Variants in PCCA observed in about 807,000 individuals in gnomAD.
PCCA encodes propionyl-CoA carboxylase alpha chain, mitochondrial.
In PCCA, 74 loss-of-function variants were observed where a neutral mutation model predicts 101.3. The observed-to-expected ratio is 0.73, with a 90% CI of 0.61 to 0.89. The LOEUF (loss-of-function observed/expected upper bound fraction) is 0.89, where lower values mean the gene tolerates loss of function less well. Among genes scored for constraint, PCCA ranks in the 40% least tolerant of loss-of-function variants. The pLI, the probability that PCCA is intolerant of heterozygous loss-of-function variation, is 0.00. For missense variants in PCCA, 891 were observed against 907.0 expected (o/e 0.98, Z 0.23); for synonymous variants, 294 against 313.6 (o/e 0.94, Z 0.66).
chr13:100,273,427 T>C (rs2063441764), intron 12 of PCCA, 81 bp downstream of exon 12: 1 of 1,099,584 alleles, frequency 9.1e-7, no homozygotes. Context: ...TTTATAAATG[T>C]TAAAAAATTA....
intron 12 of PCCA, among the ~76,000 whole-genome samples, chr13:100,283,339 A>G (rs1038012986): frequency 1.3e-5 from 2 of 152,206 alleles, no homozygotes; most frequent in African/African-American, 4.8e-5. Context: ...ACCTTGACTC[A>G]GATCATGGGG....
intron 6 of PCCA, among the ~76,000 whole-genome samples, chr13:100,177,020 T>C (rs1594551784): frequency 6.6e-6 from 1 of 152,212 alleles, no homozygotes; most frequent in East Asian, 1.9e-4. Flanking sequence ...TCAGTGACTT[T>C]GAGTGTTTAA....
intron 4 of PCCA, among the ~76,000 whole-genome samples, chr13:100,133,831 G>A (rs1026019471): frequency 6.6e-6 from 1 of 152,172 alleles, no homozygotes; most frequent in African/African-American, 2.4e-5. Flanking sequence ...AATGAAGCAG[G>A]CAGAAGAGTG....
chr13:100,169,180 G>A (rs1435007586), intron 6 of PCCA, among the ~76,000 whole-genome samples: 1 of 151,554 alleles, frequency 6.6e-6, no homozygotes, highest in East Asian at 1.9e-4. Context: ...AGTGGCTCAC[G>A]CTTGTAATCC....
chr13:100,346,879 G>GTT (rs1028930773), intron 18 of PCCA, among the ~76,000 whole-genome samples: 1 of 147,686 alleles, frequency 6.8e-6, no homozygotes. Context: ...TAGTAATAAA[G>GTT]TTTTTTTTTT....
At chr13:100,235,629 G>C (rs1421344903) in intron 7 of PCCA, among the ~76,000 whole-genome samples, 2 of 152,114 alleles carry the variant, frequency 1.3e-5, no homozygotes, top group African/African-American at 2.4e-5. Flanking sequence ...CATTTCAACT[G>C]CTTTGAGTTT....
At chr13:100,117,339 G>A (rs553821069) in intron 4 of PCCA, among the ~76,000 whole-genome samples, 6 of 151,878 alleles carry the variant, frequency 4.0e-5, no homozygotes, top group African/African-American at 7.2e-5. Context: ...CCAGTATAAC[G>A]GTATCTGTAT....
At chr13:100,247,801 T>A (rs919656041) in intron 8 of PCCA, among the ~76,000 whole-genome samples, 3 of 152,082 alleles carry the variant, frequency 2.0e-5, no homozygotes, top group African/African-American at 7.2e-5. Flanking sequence ...TAGGCATGAG[T>A]CACCACATCC....
chr13:100,275,716 A>C (rs1364697302), intron 12 of PCCA, among the ~76,000 whole-genome samples: 1 of 150,024 alleles, frequency 6.7e-6, no homozygotes, highest in African/African-American at 2.5e-5. Context: ...TTATCATTTA[A>C]TTTTTTCCTG....
intron 20 of PCCA, among the ~76,000 whole-genome samples, chr13:100,427,009 C>G (rs1053726802): frequency 6.6e-6 from 1 of 152,104 alleles, no homozygotes; most frequent in Non-Finnish European, 1.5e-5. Flanking sequence ...TGAGGTGAAG[C>G]GTTCCAGACC....
At chr13:100,167,768 ATCCCTTCC>A (rs1160692170) in intron 6 of PCCA, among the ~76,000 whole-genome samples, 1 of 152,150 alleles carries the variant, frequency 6.6e-6, no homozygotes, top group Admixed American at 6.5e-5. Context: ...TGAAGAGGTT[ATCCCTTCC>A]TCTTTGAATT....
chr13:100,365,781 A>T (rs1257763930), intron 18 of PCCA, among the ~76,000 whole-genome samples: 1 of 152,186 alleles, frequency 6.6e-6, no homozygotes, highest in East Asian at 1.9e-4. Flanking sequence ...TATACACCTA[A>T]TTTAATCAAC....
rs540295660 is a variant in PCCA, at chr13:100,237,403, C to A, written c.637+1525C>A. On this transcript the variant is annotated intron_variant, in intron 8 of 23. Transcript: ENST00000376285. The stretch of plus-strand genomic sequence containing the variant: ...ATTTTATCTGACTACCTCATCTCTT[C>A]ATTTTTTTTTTCAGAATCATTAACA... The A allele has an allele frequency of 3.9e-5, 6 of 152,104 alleles. No individual in the cohort carries two copies. In the East Asian group the frequency reaches 9.7e-4, roughly 25 times the overall value. The allele number at this position is 152,104 out of a possible 1,614,324, so 9.4% of individuals were successfully genotyped here.
At chr13:100,321,591 CTGTGTGTGTGTGTGTGTGTGTG>C (rs35931512) in intron 16 of PCCA, among the ~76,000 whole-genome samples, 3 of 132,012 alleles carry the variant, frequency 2.3e-5, no homozygotes, top group African/African-American at 5.7e-5. Context: ...TATAGAAGAT[CTGTGTGTGTGTGTGTGTGTGTG>C]TGTGTGTGTG....
At chr13:100,407,380 A>C (rs923379030) in intron 19 of PCCA, among the ~76,000 whole-genome samples, 2 of 152,222 alleles carry the variant, frequency 1.3e-5, no homozygotes, top group Non-Finnish European at 2.9e-5. Context: ...AGGCCGTTAA[A>C]CGTTCAAGGT....
At chr13:100,457,644 G>A (rs2081845271) in intron 21 of PCCA, among the ~76,000 whole-genome samples, 2 of 152,178 alleles carry the variant, frequency 1.3e-5, no homozygotes, top group Admixed American at 1.3e-4. Flanking sequence ...AATCGCACCT[G>A]CCCTTTGATC....
chr13:100,489,867 T>A (rs4772294), intron 21 of PCCA: 1 of 151,996 alleles, frequency 6.6e-6, no homozygotes, highest in Non-Finnish European at 1.5e-5. Flanking sequence ...TGGGGAAGGT[T>A]GCTTTGCCTC....
At chr13:100,348,920 TTTTCTTTTCTTTTC>T (rs1480619193) in intron 18 of PCCA, among the ~76,000 whole-genome samples, 16 of 89,090 alleles carry the variant, frequency 1.8e-4, no homozygotes, top group East Asian at 1.0e-3. Flanking sequence ...CTTTCTTTTC[TTTTCTTTTCTTTTC>T]TTTCTTTTCT....
chr13:100,292,443 G>A lies in PCCA; in HGVS notation c.1066-9017G>A, dbSNP rs76919013. Among the ~76,000 whole-genome samples, 588 of 152,270 alleles carry A rather than the reference G, an allele frequency of 3.9e-3. 5 individuals carry two copies. The highest frequency in any genetic ancestry group is 0.013 in the African/African-American group (543 of 41,564). Reference sequence around the variant, plus strand: ...TAGCATTTGCTGTATAGGATTGTCAGCATTAAATGAGTTTATATAGTTTAC... The same window carrying A: ...TAGCATTTGCTGTATAGGATTGTCAACATTAAATGAGTTTATATAGTTTAC... On this transcript the variant is annotated intron_variant, in intron 12 of 23. Transcript: ENST00000376285.
Sources: gnomAD v4.1 joint callset for allele counts (sites outside exome capture counted in the v4.1 genomes callset) on GRCh38, gnomAD v4.1.1 for gene constraint, MANE v1.5 for transcripts, NCBI Gene and HGNC (gene_info 2026-07-23, HGNC 2026-07-21) for gene names.